PCTP: variants seen among roughly 807,000 people sequenced by gnomAD.
The protein encoded by PCTP is START domain-containing protein 2.
Under a neutral mutation model 31.0 loss-of-function variants are expected in PCTP, and 27 were observed. The ratio of observed to expected loss-of-function variants is 0.87; its 90% CI spans 0.64 to 1.20. The LOEUF is 1.20. Ranked by LOEUF, PCTP falls within the 50% of genes most tolerant of loss-of-function variation. The pLI is 0.00. For synonymous variants in PCTP, 108 were observed against 101.2 expected, an observed-to-expected ratio of 1.07 and a Z score of -0.40; for missense variants, 287 against 268.2, an observed-to-expected ratio of 1.07 and a Z score of -0.49.
At chr17:55,842,818 G>GGGCT (rs1448429655) in exon 6 of PCTP, 4 of 152,216 alleles carry the variant, frequency 2.6e-5, no homozygotes, top group Admixed American at 2.6e-4. Flanking sequence ...GGATGGAAGA[G>GGGCT]GGCTCCTCCT....
intron 1 of PCTP, among the ~76,000 whole-genome samples, chr17:55,753,764 G>A (rs12936321): frequency 0.11 from 17,255 of 152,188 alleles, 1,111 homozygotes; most frequent in African/African-American, 0.17. Flanking sequence ...GTATACAGAC[G>A]AGGCAGTTGA....
intron 4 of PCTP, 140 bp downstream of exon 4, chr17:55,774,035 C>G (rs1386635260): frequency 2.0e-6 from 2 of 1,009,798 alleles, no homozygotes; most frequent in Admixed American, 5.6e-5. Context: ...AAACCAGGAT[C>G]AGCACCTAGA....
intron 5 of PCTP, among the ~76,000 whole-genome samples, chr17:55,832,090 C>CA (rs1905617896): frequency 6.6e-6 from 1 of 152,030 alleles, no homozygotes; most frequent in Non-Finnish European, 1.5e-5. Context: ...AACAAACAAA[C>CA]AACAACAACA....
At chr17:55,797,093 A>G (rs1912211679) in intron 3 of PCTP, among the ~76,000 whole-genome samples, 1 of 151,994 alleles carries the variant, frequency 6.6e-6, no homozygotes, top group South Asian at 2.1e-4. Context: ...GAATATTTCC[A>G]ATTTGAGAAA....
downstream of PCTP, among the ~76,000 whole-genome samples, chr17:55,827,934 C>A (rs1464630845): frequency 2.0e-5 from 3 of 152,128 alleles, no homozygotes; most frequent in Non-Finnish European, 4.4e-5. Flanking sequence ...TTACTCCCAG[C>A]AAAGCAAGCA....
At chr17:55,845,687 C>A (rs1472393661), downstream of PCTP, among the ~76,000 whole-genome samples, 4 of 152,154 alleles carry the variant, frequency 2.6e-5, no homozygotes, top group Non-Finnish European at 5.9e-5. Context: ...TTCAGCTCCG[C>A]GCGGCGGGCC....
Position 55,821,010 on chromosome 17 carries a change from G to T in PCTP, c.318-1751G>T, listed in dbSNP as rs570346268. Among the ~76,000 whole-genome samples the T allele has an allele frequency of 4.6e-5, 7 of 152,260 alleles. No homozygotes were observed. In the South Asian group the frequency reaches 1.5e-3, roughly 32 times the overall value. On this transcript the variant is annotated intron_variant, in intron 3 of 3. Coordinates refer to the PCTP transcript ENST00000572536. ...GAACACAGAGGTTTAATGTTCAAAA[G>T]GTTAACATTTGACTTTGAAATTCTA...
At chr17:55,817,999 A>G (rs749572056) in intron 3 of PCTP, among the ~76,000 whole-genome samples, 2 of 152,210 alleles carry the variant, frequency 1.3e-5, no homozygotes, top group Non-Finnish European at 2.9e-5. Flanking sequence ...GAGAGGGAGT[A>G]AGACCTAAGT....
intron 3 of PCTP, among the ~76,000 whole-genome samples, chr17:55,818,191 A>G (rs1379623006): frequency 6.6e-6 from 1 of 152,208 alleles, no homozygotes; most frequent in Non-Finnish European, 1.5e-5. Context: ...TAGAGGGAAA[A>G]AGCACAGAAA....
intron 1 of PCTP, among the ~76,000 whole-genome samples, chr17:55,764,244 T>C (rs564984869): frequency 1.3e-5 from 2 of 152,352 alleles, no homozygotes; most frequent in Admixed American, 6.5e-5. Context: ...ACATAAGAAT[T>C]CTTGTTGCTT....
chr17:55,843,814 A>G (rs1219894598), downstream of PCTP, among the ~76,000 whole-genome samples: 2 of 152,174 alleles, frequency 1.3e-5, no homozygotes, highest in East Asian at 3.9e-4. Flanking sequence ...TAGTGGCTCA[A>G]TGTATATGTG....
the PCTP span, among the ~76,000 whole-genome samples, chr17:55,848,599 G>A: frequency 1.3e-5 from 2 of 152,074 alleles, no homozygotes; most frequent in Non-Finnish European, 2.9e-5. Context: ...CTGTGAACTG[G>A]CAGTGAAGGC....
chr17:55,852,127 T>C, the PCTP span, among the ~76,000 whole-genome samples: 1 of 152,238 alleles, frequency 6.6e-6, no homozygotes, highest in Non-Finnish European at 1.5e-5. Context: ...CTCCAGTTCA[T>C]ACATTTTAAG....
intron 1 of PCTP, among the ~76,000 whole-genome samples, chr17:55,764,484 G>A (rs1308807998): frequency 6.6e-6 from 1 of 152,166 alleles, no homozygotes; most frequent in Non-Finnish European, 1.5e-5. Flanking sequence ...GGCATCCATG[G>A]CATGGCACAT....
rs1178900237 is a variant in PCTP, at chr17:55,751,064, C to T, written c.-40C>T. ...CCCAGGCCCACACTAAGGGTGTCCG[C>T]GGCCTGCCCTCCAGGCGGAGGAGCC... On this transcript the variant is annotated 5_prime_UTR_variant, in exon 1 of 6. Coordinates refer to ENST00000268896, the MANE Select transcript of PCTP (RefSeq NM_021213.4). 6.7e-7 allele frequency: 1 copy of T among 1,486,752 alleles called. No homozygotes were observed. Among genetic ancestry groups the T allele is most frequent in the Admixed American group, 2.4e-5 (1 of 42,130 alleles). 92.1% of individuals were successfully genotyped at this position (1,486,752 alleles called of 1,614,324 possible).
Position 55,792,316 on chromosome 17 carries a change from TAAAAA to T in PCTP, c.317+4666_317+4670del, listed in dbSNP as rs963564364. On this transcript the variant is annotated intron_variant, in intron 3 of 3. Coordinates refer to the PCTP transcript ENST00000572536. ...AAACTTAAAGTATAATAATAATAAA[TAAAAA>T]AAAGAAAAAAAAAAGAAAAAACCAC... 3.8e-4 allele frequency among the ~76,000 whole-genome samples: 49 copies of T among 129,386 alleles called. 1 individual carries two copies. The highest frequency in any genetic ancestry group is 1.5e-3 in the African/African-American group (43 of 29,050). The allele number at this position is 129,386 out of a possible 152,430, so 84.9% of individuals were successfully genotyped here.
chr17:55,845,720 G>A (rs1906125814), downstream of PCTP, among the ~76,000 whole-genome samples: 1 of 152,056 alleles, frequency 6.6e-6, no homozygotes, highest in South Asian at 2.1e-4. Flanking sequence ...TCAGCACCTG[G>A]GACCCCCGGG....
At chr17:55,764,665 C>T (rs1430824896) in intron 1 of PCTP, among the ~76,000 whole-genome samples, 1 of 152,128 alleles carries the variant, frequency 6.6e-6, no homozygotes, top group Non-Finnish European at 1.5e-5. Flanking sequence ...GTATTTATCC[C>T]TAGGTTATAC....
intron 3 of PCTP, among the ~76,000 whole-genome samples, chr17:55,792,424 G>A (rs571100067): frequency 4.1e-4 from 62 of 151,730 alleles, no homozygotes; most frequent in Middle Eastern, 3.4e-3. Context: ...AAAGTAAGAA[G>A]GATTCACACT....
Sources: allele counts gnomAD v4.1 joint callset (sites outside exome capture counted in the v4.1 genomes callset), GRCh38; gene constraint gnomAD v4.1.1; transcripts MANE v1.5; gene names NCBI Gene and HGNC (gene_info 2026-07-23, HGNC 2026-07-21).